The following GALNT13 variants were observed in gnomAD, a reference collection of about 807,000 sequenced individuals.
GALNT13 encodes polypeptide N-acetylgalactosaminyltransferase 13, also known as UDP-GalNAc:polypeptide N-acetylgalactosaminyltransferase 13.
In GALNT13, 28 loss-of-function variants were observed where a neutral mutation model predicts 64.2. That is an observed-to-expected ratio of 0.44 (90% confidence interval 0.32 to 0.60). The LOEUF is 0.60. GALNT13 is among the 20% of genes least tolerant of loss of function. The pLI is 0.05. For missense variants in GALNT13, 577 were observed against 669.8 expected (o/e 0.86, Z 1.53); for synonymous variants, 214 against 224.6 (o/e 0.95, Z 0.42).
chr2:153,671,441 C>A, the GALNT13 span, among the ~76,000 whole-genome samples: 2 of 152,122 alleles, frequency 1.3e-5, no homozygotes, highest in Non-Finnish European at 2.9e-5. Flanking sequence ...ATTTCAGATC[C>A]AGCCAAAATA....
chr2:153,675,258 G>T, the GALNT13 span, among the ~76,000 whole-genome samples: 1 of 152,164 alleles, frequency 6.6e-6, no homozygotes, highest in Non-Finnish European at 1.5e-5. Context: ...TATGTTTATT[G>T]TCGCACTGTT....
chr2:154,025,477 G>A (rs903787100), intron 3 of GALNT13, among the ~76,000 whole-genome samples: 2 of 152,018 alleles, frequency 1.3e-5, no homozygotes, highest in Admixed American at 6.6e-5. Context: ...CTTTATGGAC[G>A]CTAATCAACA....
chr2:153,995,144 T>C (rs1695436077), intron 3 of GALNT13, among the ~76,000 whole-genome samples: 1 of 152,014 alleles, frequency 6.6e-6, no homozygotes, highest in African/African-American at 2.4e-5. Context: ...TCATCTAATA[T>C]AGTTTAGTTA....
chr2:153,426,061 G>C, the GALNT13 span, among the ~76,000 whole-genome samples: 1 of 151,774 alleles, frequency 6.6e-6, no homozygotes, highest in African/African-American at 2.4e-5. Flanking sequence ...TATATTAGCT[G>C]AGTTTATGAT....
intron 4 of GALNT13, among the ~76,000 whole-genome samples, chr2:154,166,909 T>A (rs1191489803): frequency 6.6e-6 from 1 of 151,070 alleles, no homozygotes; most frequent in East Asian, 2.0e-4. Flanking sequence ...TTCTCACTCA[T>A]AGGTGGGAAT....
the GALNT13 span, among the ~76,000 whole-genome samples, chr2:153,294,849 T>C: frequency 6.6e-6 from 1 of 152,176 alleles, no homozygotes; most frequent in South Asian, 2.1e-4. Context: ...TTTTTTCTAC[T>C]AGTTGGAGAG....
At chr2:153,328,068 C>T in the GALNT13 span, among the ~76,000 whole-genome samples, 1 of 152,100 alleles carries the variant, frequency 6.6e-6, no homozygotes, top group African/African-American at 2.4e-5. Flanking sequence ...CCCTCTTCTG[C>T]AGGCTGCTGG....
the GALNT13 span, among the ~76,000 whole-genome samples, chr2:153,391,555 A>C: frequency 2.0e-5 from 3 of 152,122 alleles, no homozygotes; most frequent in Middle Eastern, 6.3e-3. Flanking sequence ...TGTTTCTCTA[A>C]TTTATCATTT....
At chr2:153,404,775 A>G in the GALNT13 span, among the ~76,000 whole-genome samples, 1 of 152,262 alleles carries the variant, frequency 6.6e-6, no homozygotes, top group East Asian at 1.9e-4. Flanking sequence ...CATATTTGAA[A>G]GTAAATTCAG....
the GALNT13 span, among the ~76,000 whole-genome samples, chr2:153,553,939 GGTT>G: frequency 7.6e-6 from 1 of 132,048 alleles, no homozygotes; most frequent in Non-Finnish European, 1.6e-5. Flanking sequence ...GTTGGAGGGT[GGTT>G]GTGTGGATGT....
the GALNT13 span, among the ~76,000 whole-genome samples, chr2:153,249,405 T>C: frequency 6.6e-6 from 1 of 152,224 alleles, no homozygotes; most frequent in Non-Finnish European, 1.5e-5. Flanking sequence ...AAAAATTTCA[T>C]GCTCATTGAT....
the GALNT13 span, among the ~76,000 whole-genome samples, chr2:153,291,946 AAT>A: frequency 6.6e-6 from 1 of 152,134 alleles, no homozygotes; most frequent in Non-Finnish European, 1.5e-5. Flanking sequence ...GAATAGTAGC[AAT>A]ACTTTCCCCA....
chr2:153,166,811 G>A, the GALNT13 span, among the ~76,000 whole-genome samples: 1 of 152,308 alleles, frequency 6.6e-6, no homozygotes, highest in South Asian at 2.1e-4. Flanking sequence ...ATATAACCTT[G>A]CGTAACCAGG....
At chr2:154,183,376 A>G (rs13393780) in intron 4 of GALNT13, among the ~76,000 whole-genome samples, 29,654 of 151,920 alleles carry the variant, frequency 0.2, 3,130 homozygotes, top group Middle Eastern at 0.33. Context: ...TTATAATTGT[A>G]TTTATTTGAG....
At chr2:154,210,905 AATGAC>A (rs1294427122) in intron 4 of GALNT13, among the ~76,000 whole-genome samples, 1 of 152,158 alleles carries the variant, frequency 6.6e-6, no homozygotes, top group Admixed American at 6.6e-5. Flanking sequence ...CAATGTTAGA[AATGAC>A]TCTTAGGTGT....
chr2:153,078,341 TGGAGTCTCACTCCA>T, the GALNT13 span, among the ~76,000 whole-genome samples: 1 of 147,840 alleles, frequency 6.8e-6, no homozygotes, highest in African/African-American at 2.5e-5. Flanking sequence ...TTTTCTAAGA[TGGAGTCTCACTCCA>T]GGCTGATGTA....
At chr2:153,978,042 T>G (rs533216424) in intron 3 of GALNT13, among the ~76,000 whole-genome samples, 1 of 152,162 alleles carries the variant, frequency 6.6e-6, no homozygotes, top group Non-Finnish European at 1.5e-5. Context: ...AAAATAGATT[T>G]AATAGCTTTT....
At chr2:154,075,753 A>G (rs1192627397) in intron 3 of GALNT13, among the ~76,000 whole-genome samples, 1 of 151,480 alleles carries the variant, frequency 6.6e-6, no homozygotes, top group Admixed American at 6.6e-5. Context: ...CTACTGGGGT[A>G]AATACTTTTG....
intron 4 of GALNT13, among the ~76,000 whole-genome samples, chr2:154,152,046 C>T (rs189305199): frequency 0.013 from 2,007 of 152,272 alleles, 26 homozygotes; most frequent in Non-Finnish European, 0.021. Flanking sequence ...TACAATTTGG[C>T]ATGTTTTTGC....
Sources: allele counts gnomAD v4.1 joint callset (sites outside exome capture counted in the v4.1 genomes callset), GRCh38; gene constraint gnomAD v4.1.1; transcripts MANE v1.5; gene names NCBI Gene and HGNC (gene_info 2026-07-23, HGNC 2026-07-21).